The following FGD6 variants were observed in gnomAD, a reference collection of about 807,000 sequenced individuals.
FGD6 encodes the protein FYVE, RhoGEF and PH domain containing 6.
FGD6 carries 90 observed loss-of-function variants against 149.4 expected under a neutral mutation model. The observed-to-expected ratio is 0.60, with a 90% CI of 0.51 to 0.72. FGD6 has a LOEUF of 0.72. Among genes scored for constraint, FGD6 ranks in the 30% least tolerant of loss-of-function variants. FGD6 has a pLI of 0.00. For missense variants in FGD6, 1,437 were observed against 1,684.8 expected, an observed-to-expected ratio of 0.85 and a Z score of 2.57; for synonymous variants, 527 against 584.0, an observed-to-expected ratio of 0.90 and a Z score of 1.41.
In FGD6 at chr12:95,083,040, T is replaced by TACACACAC. The variant is rs60971253; in HGVS notation, c.4256+1450_4256+1457dup. 7.3e-3 allele frequency among the ~76,000 whole-genome samples: 546 copies of TACACACAC among 74,424 alleles called. 7 individuals carry two copies. Among genetic ancestry groups the TACACACAC allele is most frequent in the Middle Eastern group, 0.018 (2 of 114 alleles). The allele number at this position is 74,424 out of a possible 152,430, so 48.8% of individuals were successfully genotyped here. A position where few individuals can be genotyped will look rare whatever the true frequency, so the allele number is the denominator to read the frequency against. ...ATATATATATATATATACACACACA[T>TACACACAC]ACACACACACACACACACACACAGA... On this transcript the variant is annotated intron_variant, in intron 20 of 20. Transcript: ENST00000343958.
intron 15 of FGD6, among the ~76,000 whole-genome samples, chr12:95,093,399 G>A (rs537291723): frequency 6.6e-6 from 1 of 152,112 alleles, no homozygotes; most frequent in Non-Finnish European, 1.5e-5. Flanking sequence ...TACAAAAATT[G>A]CCAGGCGCGG....
chr12:95,194,965 T>C (rs546848122), intron 2 of FGD6, among the ~76,000 whole-genome samples: 2 of 152,276 alleles, frequency 1.3e-5, no homozygotes, highest in South Asian at 4.1e-4. Flanking sequence ...GGGTAAGAAC[T>C]ATCCTTAATT....
chr12:95,131,526 C>G (rs566938749), intron 8 of FGD6, among the ~76,000 whole-genome samples: 5 of 152,222 alleles, frequency 3.3e-5, no homozygotes, highest in Admixed American at 3.3e-4. Flanking sequence ...GACACACTCC[C>G]TGAACTCAAG....
intron 8 of FGD6, among the ~76,000 whole-genome samples, chr12:95,118,672 T>C (rs1879097460): frequency 6.6e-6 from 1 of 152,312 alleles, no homozygotes; most frequent in Middle Eastern, 3.4e-3. Context: ...CAAAGTCAAG[T>C]GTTTTGAATT....
intron 3 of FGD6, among the ~76,000 whole-genome samples, chr12:95,162,434 TGA>T (rs1880672614): frequency 6.6e-6 from 1 of 152,008 alleles, no homozygotes; most frequent in African/African-American, 2.4e-5. Flanking sequence ...GGCTGAAGCA[TGA>T]GAGTCACTTA....
intron 8 of FGD6, among the ~76,000 whole-genome samples, chr12:95,118,002 C>A (rs1184278446): frequency 6.6e-6 from 1 of 151,790 alleles, no homozygotes; most frequent in Non-Finnish European, 1.5e-5. Flanking sequence ...GATCGTGCCA[C>A]TGCACTACAG....
intron 5 of FGD6, among the ~76,000 whole-genome samples, chr12:95,148,531 TAA>T (rs1880086033): frequency 7.4e-6 from 1 of 135,772 alleles, no homozygotes; most frequent in African/African-American, 2.7e-5. Flanking sequence ...ATATATTATA[TAA>T]TATATAGCAT....
At chr12:95,120,116 C>G (rs370672212) in intron 8 of FGD6, among the ~76,000 whole-genome samples, 1 of 151,584 alleles carries the variant, frequency 6.6e-6, no homozygotes, top group Non-Finnish European at 1.5e-5. Flanking sequence ...GTAGTCCCAG[C>G]TACCCAGGAG....
At chr12:95,087,514 GCAAGGCCCCCAGTCTTGCAAGTA>G (rs925071604) in intron 18 of FGD6, among the ~76,000 whole-genome samples, 2 of 152,188 alleles carry the variant, frequency 1.3e-5, no homozygotes, top group African/African-American at 4.8e-5. Flanking sequence ...TAGTAAGAAG[GCAAGGCCCCCAGTCTTGCAAGTA>G]CAAGGAAATG....
intron 5 of FGD6, among the ~76,000 whole-genome samples, chr12:95,141,831 A>C (rs1879856534): frequency 6.6e-6 from 1 of 152,202 alleles, no homozygotes; most frequent in Non-Finnish European, 1.5e-5. Flanking sequence ...AGTGTCTGGA[A>C]ATTGTAATGC....
rs144840476 is a variant in FGD6, at chr12:95,188,837, A to T, written c.2442-16093T>A. On this transcript the variant is annotated intron_variant, in intron 2 of 20. Coordinates refer to ENST00000343958, the MANE Select transcript of FGD6 (RefSeq NM_018351.4). The stretch of plus-strand genomic sequence containing the variant: ...TTTAATACTTGGTAAGGAAAGGTCA[A>T]AGGTAAAGCAGGCAGAGAGGATGAA... 1.9e-3 allele frequency among the ~76,000 whole-genome samples: 288 copies of T among 152,198 alleles called. 1 individual carries two copies. Among genetic ancestry groups the T allele is most frequent in the African/African-American group, 6.5e-3 (271 of 41,538 alleles).
At chr12:95,214,832 T>C (rs963803097) in intron 1 of FGD6, among the ~76,000 whole-genome samples, 7 of 151,354 alleles carry the variant, frequency 4.6e-5, no homozygotes, top group African/African-American at 1.7e-4. Context: ...TATATACCTA[T>C]ATATACCTAT....
chr12:95,099,065 C>T (rs975819286), intron 14 of FGD6, among the ~76,000 whole-genome samples: 1 of 152,010 alleles, frequency 6.6e-6, no homozygotes, highest in Non-Finnish European at 1.5e-5. Flanking sequence ...AAATATTAAA[C>T]GGGGTTTCAC....
rs1378631719 is a variant in FGD6 at position 95,084,550 on chromosome 12, T to C, written c.4204A>G (p.Lys1402Glu). The C allele has an allele frequency of 6.2e-7, 1 of 1,605,642 alleles. No individual in the cohort carries two copies. ...SESKVFQLLH[K>E]NMLFYVFKAE... The stretch of plus-strand genomic sequence containing the variant: ...TTGAATACATAAAATAACATGTTTT[T>C]GTGCAGTAACTGAAATACTTTAGAC... The change falls in exon 20 of 21, where the codon AAA (lysine) becomes GAA (glutamate). Residue 1402 changes from lysine (K) to glutamate (E), a missense_variant. Physicochemically the swap from Lys to Glu is moderately conservative, Grantham distance 56 (BLOSUM62 1). Coordinates refer to ENST00000343958, the MANE Select transcript of FGD6 (RefSeq NM_018351.4).
intron 3 of FGD6, among the ~76,000 whole-genome samples, chr12:95,165,771 G>T (rs925171939): frequency 3.3e-5 from 5 of 151,572 alleles, no homozygotes; most frequent in Admixed American, 6.6e-5. Context: ...CTGAGTAGCT[G>T]GGACTACAGG....
At chr12:95,088,794 A>G (rs935620036) in intron 18 of FGD6, among the ~76,000 whole-genome samples, 10 of 152,226 alleles carry the variant, frequency 6.6e-5, no homozygotes, top group African/African-American at 2.4e-4. Flanking sequence ...ATGAACCTCT[A>G]AAACACTGTG....
At chr12:95,084,783 C>T (rs950015081) in intron 19 of FGD6, 137 bp from the exon 20 acceptor site, 1 of 601,258 alleles carries the variant, frequency 1.7e-6, no homozygotes, top group Non-Finnish European at 2.5e-6. Flanking sequence ...ACAACTTACT[C>T]ACTTCTCATT....
intron 3 of FGD6, among the ~76,000 whole-genome samples, chr12:95,157,051 C>G (rs1405742974): frequency 2.0e-5 from 3 of 152,072 alleles, no homozygotes; most frequent in Admixed American, 6.6e-5. Context: ...CCCACACATC[C>G]ACTCTCCCAC....
chr12:95,208,760 T>G (rs2056705635), intron 2 of FGD6, 83 bp downstream of exon 2: 2 of 1,472,436 alleles, frequency 1.4e-6, no homozygotes, highest in Admixed American at 4.9e-5. Flanking sequence ...CGTGTTTTTT[T>G]TCCCCCTGCA....
Sources: gnomAD v4.1 joint callset for allele counts (sites outside exome capture counted in the v4.1 genomes callset) on GRCh38, gnomAD v4.1.1 for gene constraint, MANE v1.5 for transcripts, NCBI Gene and HGNC (gene_info 2026-07-23, HGNC 2026-07-21) for gene names.